The following CCSER1 variants were observed in gnomAD, a reference collection of about 807,000 sequenced individuals.
The protein encoded by CCSER1 is serine-rich coiled-coil domain-containing protein 1.
Under a neutral mutation model 82.0 loss-of-function variants are expected in CCSER1, and 41 were observed. That is an observed-to-expected ratio of 0.50 (90% CI 0.39 to 0.65). The LOEUF (loss-of-function observed/expected upper bound fraction) is 0.65, where lower values mean the gene tolerates loss of function less well. Ranked by LOEUF, CCSER1 falls within the 30% of genes least tolerant of loss-of-function variation. The pLI is 0.00. For synonymous variants in CCSER1, 414 were observed against 383.9 expected, an observed-to-expected ratio of 1.08 and a Z score of -0.92; for missense variants, 1,119 against 1,064.2, an observed-to-expected ratio of 1.05 and a Z score of -0.72.
rs534187657 is a variant in CCSER1 at position 91,136,712 on chromosome 4, A to G, written c.2217+50718A>G. Reference sequence around the variant, plus strand: ...TTACCCAATATGAAATATCACTGATAATTGATAAAGATAGGTTTTATCAAA... The same window carrying G: ...TTACCCAATATGAAATATCACTGATGATTGATAAAGATAGGTTTTATCAAA... On this transcript the variant is annotated intron_variant, in intron 10 of 10. Coordinates refer to ENST00000509176, the MANE Select transcript of CCSER1 (RefSeq NM_001145065.2). 2.0e-5 allele frequency among the ~76,000 whole-genome samples: 3 copies of G among 152,308 alleles called. No homozygotes were observed. The South Asian group carries it at 6.2e-4, about 32-fold the overall frequency.
Position 90,912,716 on chromosome 4 carries a change from T to C in CCSER1, c.2095-10654T>C, listed in dbSNP as rs191394113. 5.2e-4 allele frequency among the ~76,000 whole-genome samples: 79 copies of C among 152,152 alleles called. 2 individuals carry two copies. The highest frequency in any genetic ancestry group is 4.7e-4 in the Non-Finnish European group (32 of 68,004). ...AGCTAAAGGAGGAAGTTCGAACCCA[T>C]GGCAAAGAAGTTAAAAACCTTGAAA... is the stretch of plus-strand genomic sequence containing the variant. On this transcript the variant is annotated intron_variant, in intron 8 of 10. Coordinates refer to ENST00000509176, the MANE Select transcript of CCSER1 (RefSeq NM_001145065.2).
chr4:91,273,135 CTGAT>C (rs1163303885), intron 10 of CCSER1, among the ~76,000 whole-genome samples: 3 of 151,432 alleles, frequency 2.0e-5, no homozygotes, highest in Non-Finnish European at 2.9e-5. Context: ...TCTGTGAAGA[CTGAT>C]TGTGGTATTT....
chr4:91,295,299 T>C (rs1578137127), intron 10 of CCSER1, among the ~76,000 whole-genome samples: 1 of 151,926 alleles, frequency 6.6e-6, no homozygotes, highest in Admixed American at 6.6e-5. Context: ...AGGATATAAA[T>C]AGAATTACAA....
chr4:91,379,883 A>T (rs1025586539), intron 10 of CCSER1, among the ~76,000 whole-genome samples: 1 of 152,022 alleles, frequency 6.6e-6, no homozygotes, highest in Admixed American at 6.6e-5. Context: ...TGTGGGCATT[A>T]AGTGCTATAA....
At chr4:91,429,005 A>G (rs941365991) in intron 10 of CCSER1, among the ~76,000 whole-genome samples, 1 of 152,022 alleles carries the variant, frequency 6.6e-6, no homozygotes, top group African/African-American at 2.4e-5. Flanking sequence ...GCAAAAGGAT[A>G]GTTCTGAGGG....
At chr4:90,692,033 GTGTATATATATATATATA>G (rs1464339318) in intron 6 of CCSER1, among the ~76,000 whole-genome samples, 1 of 112,280 alleles carries the variant, frequency 8.9e-6, no homozygotes, top group Non-Finnish European at 1.9e-5. Flanking sequence ...AATTCAATGT[GTGTATATATATATATATA>G]TATATATATA....
At chr4:91,478,039 C>T (rs1757688004) in intron 10 of CCSER1, among the ~76,000 whole-genome samples, 2 of 151,746 alleles carry the variant, frequency 1.3e-5, no homozygotes. Flanking sequence ...GTGGCAAATA[C>T]CCAAATCATA....
At chr4:91,106,623 T>C (rs1725645456) in intron 10 of CCSER1, among the ~76,000 whole-genome samples, 3 of 152,230 alleles carry the variant, frequency 2.0e-5, no homozygotes, top group Admixed American at 2.0e-4. Flanking sequence ...TTTGGAATTG[T>C]TGGATTACAA....
At chr4:90,856,371 T>C (rs943944789) in intron 8 of CCSER1, among the ~76,000 whole-genome samples, 5 of 152,178 alleles carry the variant, frequency 3.3e-5, no homozygotes, top group African/African-American at 1.2e-4. Context: ...GTATCAAATT[T>C]TTAAAGCTAA....
chr4:90,525,936 G>A (rs1773705849), intron 5 of CCSER1, among the ~76,000 whole-genome samples: 1 of 152,100 alleles, frequency 6.6e-6, no homozygotes, highest in Non-Finnish European at 1.5e-5. Context: ...ACTGCACCTA[G>A]CCAATATTTA....
intron 1 of CCSER1, among the ~76,000 whole-genome samples, chr4:90,263,624 T>C (rs917715729): frequency 6.6e-6 from 1 of 152,156 alleles, no homozygotes; most frequent in African/African-American, 2.4e-5. Flanking sequence ...GATGCTGTAA[T>C]GGCCCGAGTT....
At chr4:90,844,474 T>C (rs1194404427) in intron 8 of CCSER1, among the ~76,000 whole-genome samples, 1 of 152,144 alleles carries the variant, frequency 6.6e-6, no homozygotes, top group Non-Finnish European at 1.5e-5. Context: ...TATTGTTCCT[T>C]GAACACACAG....
At chr4:91,491,455 TATC>T (rs1444615717) in intron 10 of CCSER1, among the ~76,000 whole-genome samples, 2 of 152,232 alleles carry the variant, frequency 1.3e-5, no homozygotes, top group East Asian at 3.9e-4. Context: ...ACCTCGGTAT[TATC>T]ATATACATCA....
intron 6 of CCSER1, among the ~76,000 whole-genome samples, chr4:90,662,000 C>CTTTTT (rs768964116): frequency 5.1e-5 from 7 of 136,174 alleles, no homozygotes; most frequent in East Asian, 2.1e-4. Flanking sequence ...TTCTTTCTTT[C>CTTTTT]TTTTTTTTTT....
At chr4:91,253,371 A>G (rs1740414240) in intron 10 of CCSER1, among the ~76,000 whole-genome samples, 1 of 152,184 alleles carries the variant, frequency 6.6e-6, no homozygotes, top group South Asian at 2.1e-4. Flanking sequence ...TTTCGTCAAA[A>G]GTAAGCTATT....
chr4:91,221,684 A>T (rs1278075961), intron 10 of CCSER1, among the ~76,000 whole-genome samples: 2 of 152,196 alleles, frequency 1.3e-5, no homozygotes, highest in Non-Finnish European at 2.9e-5. Context: ...TATTTCAGTC[A>T]TAAGTTTAAA....
At chr4:90,520,623 A>G (rs1772968616) in intron 5 of CCSER1, among the ~76,000 whole-genome samples, 1 of 152,230 alleles carries the variant, frequency 6.6e-6, no homozygotes, top group Non-Finnish European at 1.5e-5. Flanking sequence ...ATTCATCAGC[A>G]TTATTTTAAC....
intron 10 of CCSER1, among the ~76,000 whole-genome samples, chr4:91,180,252 G>A (rs1318770373): frequency 6.6e-6 from 1 of 152,180 alleles, no homozygotes; most frequent in Non-Finnish European, 1.5e-5. Flanking sequence ...GGCTACTCAG[G>A]GGTCAGGGAC....
chr4:91,450,438 C>T (rs879785718), intron 10 of CCSER1, among the ~76,000 whole-genome samples: 7 of 151,934 alleles, frequency 4.6e-5, no homozygotes, highest in Non-Finnish European at 7.4e-5. Context: ...ACTCTGTAGC[C>T]CTAAACAACT....
Sources: allele counts gnomAD v4.1 joint callset (sites outside exome capture counted in the v4.1 genomes callset), GRCh38; gene constraint gnomAD v4.1.1; transcripts MANE v1.5; gene names NCBI Gene and HGNC (gene_info 2026-07-23, HGNC 2026-07-21).